DLG1: variants seen among roughly 807,000 people sequenced by gnomAD.
The protein encoded by DLG1 is discs large MAGUK scaffold protein 1.
DLG1 carries 42 observed loss-of-function variants against 123.4 expected under a neutral mutation model. The ratio of observed to expected loss-of-function variants is 0.34; its 90% CI spans 0.27 to 0.44. DLG1 has a LOEUF of 0.44. Ranked by LOEUF, DLG1 falls within the 20% of genes least tolerant of loss-of-function variation. The probability of loss-of-function intolerance (pLI) is 1.00; values close to 1 mark genes in which losing one functional copy is unlikely to be tolerated. For synonymous variants in DLG1, 317 were observed against 356.2 expected, an observed-to-expected ratio of 0.89 and a Z score of 1.24; for missense variants, 942 against 1,082.6, an observed-to-expected ratio of 0.87 and a Z score of 1.82.
At chr3:197,045,690 G>C (rs1722498842) in intron 24 of DLG1, among the ~76,000 whole-genome samples, 2 of 152,302 alleles carry the variant, frequency 1.3e-5, no homozygotes, top group South Asian at 4.1e-4. Context: ...ACTGCAGTGA[G>C]CTATGATCGT....
chr3:197,196,428 C>T (rs559615582), intron 4 of DLG1, among the ~76,000 whole-genome samples: 41 of 152,174 alleles, frequency 2.7e-4, no homozygotes, highest in African/African-American at 7.9e-4. Flanking sequence ...TCAAGGCTGA[C>T]GTTAACATAA....
intron 3 of DLG1, among the ~76,000 whole-genome samples, chr3:197,296,068 G>T (rs926117460): frequency 6.6e-6 from 1 of 152,088 alleles, no homozygotes; most frequent in African/African-American, 2.4e-5. Context: ...ATACCTTTTA[G>T]GTCCTTAAAC....
At chr3:197,222,766 C>G (rs1022372320) in intron 4 of DLG1, among the ~76,000 whole-genome samples, 1 of 152,194 alleles carries the variant, frequency 6.6e-6, no homozygotes, top group Admixed American at 6.5e-5. Flanking sequence ...TGACTTTATA[C>G]TGGGTGTTCT....
At position 197,104,648 on chromosome 3, in the gene DLG1, C is replaced by T. The variant is rs1256416373; in HGVS notation, c.1546+255G>A. Among the ~76,000 whole-genome samples, 5 of 152,088 alleles carry T rather than the reference C, an allele frequency of 3.3e-5. No individual in the cohort carries two copies. The South Asian group carries it at 1.0e-3, about 32-fold the overall frequency. ...GGTGAGCTGAGTTCGCACCACTGCA[C>T]TCCAGCCTGGGCAGTAAGAGTGGAA... On this transcript the variant is annotated intron_variant, in intron 14 of 24. Transcript: ENST00000667157.
intron 4 of DLG1, among the ~76,000 whole-genome samples, chr3:197,212,943 G>C (rs1031194156): frequency 6.6e-6 from 1 of 152,154 alleles, no homozygotes; most frequent in Non-Finnish European, 1.5e-5. Context: ...GGCCAAATTT[G>C]GGGAGAAAGA....
At chr3:197,120,736 A>G (rs1775901137) in intron 11 of DLG1, among the ~76,000 whole-genome samples, 1 of 152,230 alleles carries the variant, frequency 6.6e-6, no homozygotes, top group South Asian at 2.1e-4. Flanking sequence ...GACAACAGGA[A>G]ATGACTGAAA....
At chr3:197,058,574 G>A (rs1733498254) in intron 23 of DLG1, among the ~76,000 whole-genome samples, 1 of 152,162 alleles carries the variant, frequency 6.6e-6, no homozygotes, top group Non-Finnish European at 1.5e-5. Flanking sequence ...ATTGCATTAT[G>A]GTCGGAGAGT....
intron 5 of DLG1, among the ~76,000 whole-genome samples, chr3:197,190,556 C>T (rs149634162): frequency 2.6e-5 from 4 of 152,288 alleles, no homozygotes; most frequent in African/African-American, 9.6e-5. Flanking sequence ...ACTATAGTAG[C>T]CGTAATAGTG....
At chr3:197,274,227 T>C (rs1385796281) in intron 4 of DLG1, among the ~76,000 whole-genome samples, 1 of 152,184 alleles carries the variant, frequency 6.6e-6, no homozygotes, top group East Asian at 1.9e-4. Flanking sequence ...CAAGTGAGCA[T>C]GGTACTGATG....
At chr3:197,044,771 C>T in intron 24 of DLG1, 42 bp from the exon 25 acceptor site, 1 of 1,258,142 alleles carries the variant, frequency 7.9e-7, no homozygotes. Flanking sequence ...CATTAATTGT[C>T]TATTTTTGCC....
intron 4 of DLG1, among the ~76,000 whole-genome samples, chr3:197,255,222 A>C (rs1373493826): frequency 1.3e-5 from 2 of 152,194 alleles, no homozygotes; most frequent in Non-Finnish European, 2.9e-5. Context: ...ACTACTAGAC[A>C]ATCACAGCAC....
At chr3:197,058,479 C>T (rs1351646311) in intron 23 of DLG1, among the ~76,000 whole-genome samples, 1 of 152,186 alleles carries the variant, frequency 6.6e-6, no homozygotes, top group African/African-American at 2.4e-5. Context: ...GTGATTTCTT[C>T]TTTGACTCAC....
In DLG1 at chr3:197,101,170, G is replaced by A. The variant is rs149348641; in HGVS notation, c.1546+3733C>T. On this transcript the variant is annotated intron_variant, in intron 14 of 24. Transcript: ENST00000667157. ...AGGGTGGAGGAAAAGGTTTTTCTTC[G>A]CTTAAAAGGGGCTAGAAGAAATCTT... Among the ~76,000 whole-genome samples the A allele has an allele frequency of 4.7e-3, 715 of 152,156 alleles. 5 individuals carry two copies. The highest frequency in any genetic ancestry group is 0.016 in the African/African-American group (665 of 41,532).
intron 4 of DLG1, among the ~76,000 whole-genome samples, chr3:197,278,400 T>G (rs1047067619): frequency 6.6e-6 from 1 of 150,522 alleles, no homozygotes; most frequent in African/African-American, 2.4e-5. Context: ...AGCCCCCAAG[T>G]TTTGAGGATA....
chr3:197,050,421 CAAAT>C (rs1054726178), intron 24 of DLG1, among the ~76,000 whole-genome samples: 10 of 150,922 alleles, frequency 6.6e-5, no homozygotes, highest in African/African-American at 2.4e-4. Flanking sequence ...CAAACAACAA[CAAAT>C]ATATATATAT....
chr3:197,107,840 C>A (rs1767498423), intron 13 of DLG1, among the ~76,000 whole-genome samples: 1 of 150,704 alleles, frequency 6.6e-6, no homozygotes, highest in Non-Finnish European at 1.5e-5. Context: ...TTTCTAGAAC[C>A]TCCAGGACAA....
intron 8 of DLG1, among the ~76,000 whole-genome samples, chr3:197,139,363 C>T (rs1315484463): frequency 2.0e-5 from 3 of 152,052 alleles, no homozygotes; most frequent in African/African-American, 4.8e-5. Flanking sequence ...CATTAATATA[C>T]CACCTGTCAT....
intron 5 of DLG1, among the ~76,000 whole-genome samples, chr3:197,167,805 G>GT (rs75581404): frequency 0.024 from 3,715 of 152,178 alleles, 214 homozygotes; most frequent in Admixed American, 0.12. Context: ...AGTAACAAAC[G>GT]TATCTATCAC....
At chr3:197,193,465 G>A (rs1577869712) in intron 5 of DLG1, among the ~76,000 whole-genome samples, 1 of 152,150 alleles carries the variant, frequency 6.6e-6, no homozygotes, top group East Asian at 1.9e-4. Flanking sequence ...CCACAAAGAT[G>A]TATATATAAC....
Sources: gnomAD v4.1 joint callset for allele counts (sites outside exome capture counted in the v4.1 genomes callset) on GRCh38, gnomAD v4.1.1 for gene constraint, MANE v1.5 for transcripts, NCBI Gene and HGNC (gene_info 2026-07-23, HGNC 2026-07-21) for gene names.